Variants in PKIB observed in about 807,000 individuals in gnomAD.
PKIB encodes PKI-beta.
A neutral mutation model predicts 4.5 loss-of-function variants in PKIB; 2 were observed. The ratio of observed to expected loss-of-function variants is 0.44; its 90% CI spans 0.18 to 1.39. The LOEUF is 1.39. Among genes scored for constraint, PKIB ranks in the 40% most tolerant of loss-of-function variants. The pLI is 0.27. For missense variants in PKIB, 94 were observed against 92.6 expected, an observed-to-expected ratio of 1.02 and a Z score of -0.06; for synonymous variants, 38 against 36.0, an observed-to-expected ratio of 1.06 and a Z score of -0.20.
chr6:122,676,725 G>A (rs1777689010), intron 3 of PKIB, among the ~76,000 whole-genome samples: 1 of 152,140 alleles, frequency 6.6e-6, no homozygotes, highest in South Asian at 2.1e-4. Context: ...CAGGAACTGA[G>A]ATATATTTCT....
chr6:122,659,655 T>C (rs1033423132), intron 2 of PKIB, among the ~76,000 whole-genome samples: 6 of 152,294 alleles, frequency 3.9e-5, no homozygotes, highest in African/African-American at 1.4e-4. Flanking sequence ...TTTTTAACTA[T>C]TATTTTAATT....
chr6:122,505,624 G>C (rs1033909043), intron 2 of PKIB, among the ~76,000 whole-genome samples: 3 of 152,118 alleles, frequency 2.0e-5, no homozygotes, highest in Non-Finnish European at 4.4e-5. Context: ...GTCAGTCTCA[G>C]GCAGGAGAGT....
chr6:122,573,544 GAAAA>G (rs199878368), intron 2 of PKIB, among the ~76,000 whole-genome samples: 1 of 134,824 alleles, frequency 7.4e-6, no homozygotes. Flanking sequence ...AAAAGAAAAA[GAAAA>G]AAAAAAGAAG....
At chr6:122,497,699 G>C (rs1423595096) in intron 2 of PKIB, among the ~76,000 whole-genome samples, 5 of 152,174 alleles carry the variant, frequency 3.3e-5, no homozygotes, top group Admixed American at 6.5e-5. Context: ...CAACAATGGA[G>C]CACCCAAATT....
chr6:122,618,525 G>GA (rs891699978), intron 1 of PKIB, among the ~76,000 whole-genome samples: 1 of 150,904 alleles, frequency 6.6e-6, no homozygotes, highest in Non-Finnish European at 1.5e-5. Flanking sequence ...ATAGTTTTAA[G>GA]AAAAAAAAGG....
At chr6:122,542,940 G>A (rs1210634358) in intron 2 of PKIB, among the ~76,000 whole-genome samples, 10 of 152,060 alleles carry the variant, frequency 6.6e-5, no homozygotes, top group South Asian at 2.1e-4. Context: ...CCCCAGCCTC[G>A]CTGCTGCCTT....
intron 3 of PKIB, among the ~76,000 whole-genome samples, chr6:122,588,220 C>G (rs761286130): frequency 6.6e-6 from 1 of 152,068 alleles, no homozygotes; most frequent in Non-Finnish European, 1.5e-5. Context: ...AGGAAGGGAT[C>G]GAGTTTCAGC....
chr6:122,544,970 A>C (rs1157109427), intron 2 of PKIB, among the ~76,000 whole-genome samples: 1 of 152,140 alleles, frequency 6.6e-6, no homozygotes, highest in Non-Finnish European at 1.5e-5. Context: ...AATGGCTATT[A>C]CTAAAACATC....
At chr6:122,690,546 C>G (rs904957948) in intron 3 of PKIB, among the ~76,000 whole-genome samples, 22 of 152,100 alleles carry the variant, frequency 1.4e-4, no homozygotes, top group African/African-American at 5.3e-4. Flanking sequence ...AAACTCTATA[C>G]TTTAACTTCC....
intron 2 of PKIB, among the ~76,000 whole-genome samples, chr6:122,526,162 T>C (rs902653814): frequency 6.6e-6 from 1 of 152,150 alleles, no homozygotes; most frequent in Admixed American, 6.6e-5. Flanking sequence ...CACTTCTAAT[T>C]TTGTTCTCTT....
At chr6:122,684,632 A>G (rs1406792676) in intron 3 of PKIB, among the ~76,000 whole-genome samples, 1 of 152,230 alleles carries the variant, frequency 6.6e-6, no homozygotes, top group African/African-American at 2.4e-5. Flanking sequence ...TGGATTTTCA[A>G]ATTAATCAGA....
intron 2 of PKIB, among the ~76,000 whole-genome samples, chr6:122,506,937 G>A (rs1054526414): frequency 2.6e-5 from 4 of 151,678 alleles, no homozygotes; most frequent in Non-Finnish European, 5.9e-5. Flanking sequence ...TCCTGACCTC[G>A]TGATCCGCCC....
At chr6:122,673,906 C>G (rs187869319) in intron 2 of PKIB, among the ~76,000 whole-genome samples, 2 of 152,280 alleles carry the variant, frequency 1.3e-5, no homozygotes, top group African/African-American at 4.8e-5. Flanking sequence ...AGGAAGGAAC[C>G]TGCCTAGACT....
At chr6:122,562,632 T>C (rs1773068817) in intron 2 of PKIB, among the ~76,000 whole-genome samples, 2 of 152,218 alleles carry the variant, frequency 1.3e-5, no homozygotes, top group African/African-American at 4.8e-5. Context: ...CCCAGACTTC[T>C]TGGAGACTTT....
At chr6:122,524,588 A>G (rs1777043337) in intron 2 of PKIB, among the ~76,000 whole-genome samples, 1 of 152,116 alleles carries the variant, frequency 6.6e-6, no homozygotes, top group Non-Finnish European at 1.5e-5. Context: ...AGAATTCTCC[A>G]GTGAAGCCAT....
chr6:122,712,776 G>A (rs79519447), intron 3 of PKIB, among the ~76,000 whole-genome samples: 2,153 of 152,218 alleles, frequency 0.014, 21 homozygotes, highest in Non-Finnish European at 0.024. Flanking sequence ...AGAAAAGAAT[G>A]GATCTACCAT....
chr6:122,666,746 C>T (rs937764651), intron 2 of PKIB, among the ~76,000 whole-genome samples: 1 of 152,134 alleles, frequency 6.6e-6, no homozygotes, highest in African/African-American at 2.4e-5. Flanking sequence ...CAAAAGTGAC[C>T]TCTAAAGTAT....
At chr6:122,490,576 T>C (rs1158073101) in intron 2 of PKIB, among the ~76,000 whole-genome samples, 1 of 152,070 alleles carries the variant, frequency 6.6e-6, no homozygotes, top group East Asian at 1.9e-4. Flanking sequence ...TCTGGTTGTT[T>C]TGAATCTGGG....
chr6:122,601,387 A>G (rs146952993), intron 3 of PKIB, among the ~76,000 whole-genome samples: 1,753 of 152,318 alleles, frequency 0.012, 35 homozygotes, highest in African/African-American at 0.041. Flanking sequence ...AAGAGTTTGT[A>G]CATGGCACAA....
Sources: gnomAD v4.1 joint callset for allele counts (sites outside exome capture counted in the v4.1 genomes callset) on GRCh38, gnomAD v4.1.1 for gene constraint, MANE v1.5 for transcripts, NCBI Gene and HGNC (gene_info 2026-07-23, HGNC 2026-07-21) for gene names.